Variants in KAT6A observed in about 807,000 individuals in gnomAD.
KAT6A encodes lysine acetyltransferase 6A, also known as histone acetyltransferase KAT6A.
Under a neutral mutation model 198.4 loss-of-function variants are expected in KAT6A, and 9 were observed. The observed-to-expected ratio is 0.05, with a 90% CI of 0.03 to 0.08. The LOEUF is 0.08. KAT6A is among the 10% of genes least tolerant of loss of function. KAT6A has a pLI of 1.00. For missense variants in KAT6A, 2,077 were observed against 2,509.9 expected, an observed-to-expected ratio of 0.83 and a Z score of 3.69; for synonymous variants, 890 against 883.0, an observed-to-expected ratio of 1.01 and a Z score of -0.14.
intron 5 of KAT6A, among the ~76,000 whole-genome samples, chr8:41,980,451 C>T (rs1824293954): frequency 6.6e-6 from 1 of 151,936 alleles, no homozygotes; most frequent in Non-Finnish European, 1.5e-5. Flanking sequence ...ATCTCTATAG[C>T]TCTAGGGCCC....
At chr8:42,029,901 T>C (rs915265093) in intron 2 of KAT6A, among the ~76,000 whole-genome samples, 1 of 152,222 alleles carries the variant, frequency 6.6e-6, no homozygotes, top group Non-Finnish European at 1.5e-5. Flanking sequence ...TGTATTTCAC[T>C]GAGCTTCTTT....
intron 2 of KAT6A, among the ~76,000 whole-genome samples, chr8:41,988,290 G>GA (rs1197646363): frequency 6.6e-6 from 1 of 151,504 alleles, no homozygotes; most frequent in Non-Finnish European, 1.5e-5. Flanking sequence ...TAAGGGAGGG[G>GA]AAAAAAAATA....
At chr8:41,981,464 T>A (rs144244104) in intron 4 of KAT6A, among the ~76,000 whole-genome samples, 8 of 152,292 alleles carry the variant, frequency 5.3e-5, no homozygotes, top group African/African-American at 1.9e-4. Flanking sequence ...TTCAAGTATA[T>A]CCAATAACCA....
Position 41,937,951 on chromosome 8 carries a change from T to C in KAT6A, c.3040-383A>G, listed in dbSNP as rs902358210. On this transcript the variant is annotated intron_variant, in intron 15 of 16. Coordinates refer to ENST00000265713, the MANE Select transcript of KAT6A (RefSeq NM_006766.5). Reference sequence around the variant, plus strand: ...AGAGAAATAAAAACACTTTGTCTTATAGCACTACTGTGAAGGTTTGCAGAA... The same window carrying C: ...AGAGAAATAAAAACACTTTGTCTTACAGCACTACTGTGAAGGTTTGCAGAA... Among the ~76,000 whole-genome samples, 8 of 152,218 alleles carry C rather than the reference T, an allele frequency of 5.3e-5. No individual in the cohort carries two copies. In the East Asian group the frequency reaches 5.8e-4, roughly 11 times the overall value.
chr8:41,989,689 A>G lies in KAT6A; in HGVS notation c.601-2126T>C, dbSNP rs562819791. 7.2e-5 allele frequency among the ~76,000 whole-genome samples: 11 copies of G among 152,348 alleles called. No homozygotes were observed. The East Asian group carries it at 2.1e-3, about 29-fold the overall frequency. Reference sequence around the variant, plus strand: ...GAGACTGGTCTGGATTTAAAAATCTAGAAGTCATATACATACAAAATGGCA... The same window carrying G: ...GAGACTGGTCTGGATTTAAAAATCTGGAAGTCATATACATACAAAATGGCA... On this transcript the variant is annotated intron_variant, in intron 2 of 16. Transcript: ENST00000265713.
At chr8:41,969,266 A>G (rs1004270455) in intron 8 of KAT6A, among the ~76,000 whole-genome samples, 11 of 152,234 alleles carry the variant, frequency 7.2e-5, no homozygotes, top group Admixed American at 2.0e-4. Context: ...CATCTAAGCT[A>G]TATCTATGCT....
At chr8:42,041,833 G>GC (rs1827683369) in intron 2 of KAT6A, among the ~76,000 whole-genome samples, 1 of 147,502 alleles carries the variant, frequency 6.8e-6, no homozygotes, top group African/African-American at 2.5e-5. Context: ...CTTGATAATA[G>GC]CTACATTTTC....
At chr8:41,953,913 T>C (rs375219728) in intron 9 of KAT6A, among the ~76,000 whole-genome samples, 2 of 152,206 alleles carry the variant, frequency 1.3e-5, no homozygotes, top group Non-Finnish European at 2.9e-5. Flanking sequence ...ATAATATATA[T>C]GTATAATATG....
In KAT6A at chr8:41,931,567, T is replaced by G. The variant is rs1821544065; in HGVS notation, c.*638A>C. 1.0e-5 allele frequency: 2 copies of G among 200,094 alleles called. No homozygotes were observed. The highest frequency in any genetic ancestry group is 6.1e-5 in the Admixed American group (1 of 16,284). 12.4% of individuals were successfully genotyped at this position (200,094 alleles called of 1,614,324 possible). ...ATTCTTGGGGAAGGGTTTCAAGAGG[T>G]GTGTGTGTGTGAGGAGTGGAGGGGA... On this transcript the variant is annotated 3_prime_UTR_variant, in exon 17 of 17. Transcript: ENST00000265713.
chr8:42,001,534 C>A (rs564692342), intron 2 of KAT6A, among the ~76,000 whole-genome samples: 1 of 152,236 alleles, frequency 6.6e-6, no homozygotes, highest in African/African-American at 2.4e-5. Context: ...CAATAAAAAT[C>A]TTGAAACTTG....
At position 41,933,306 on chromosome 8, in the gene KAT6A, G is replaced by A. The variant is rs61740920; in HGVS notation, c.4914C>T (p.Cys1638=). The change falls in exon 17 of 17, where the codon TGC becomes TGT. Residue 1638 remains cysteine (C), a synonymous_variant. Transcript: ENST00000265713. The surrounding 1 kb of genome is among the most constrained non-coding windows in gnomAD (Gnocchi z 6.2). The part of the protein sequence containing the change: ...ANCSIKSPQS[C]VVERPPSNQQ... Reference sequence around the variant, plus strand: ...GGTTACTGGGAGGCCTCTCCACCACGCAGCTCTGAGGTGACTTGATGCTGC... The same window carrying A: ...GGTTACTGGGAGGCCTCTCCACCACACAGCTCTGAGGTGACTTGATGCTGC... 7,942 of 1,578,266 alleles carry A rather than the reference G, an allele frequency of 5.0e-3. 292 individuals carry two copies. In the African/African-American group the frequency reaches 0.088, roughly 17 times the overall value.
At chr8:42,000,614 C>T (rs1825449468) in intron 2 of KAT6A, among the ~76,000 whole-genome samples, 5 of 152,004 alleles carry the variant, frequency 3.3e-5, no homozygotes, top group Admixed American at 2.6e-4. Context: ...TTCAACAAGA[C>T]TTTCATGTTC....
chr8:41,955,458 C>T, intron 8 of KAT6A, 47 bp from the exon 9 acceptor site: 1 of 1,177,432 alleles, frequency 8.5e-7, no homozygotes, highest in East Asian at 2.4e-5. Context: ...ATTAGACACA[C>T]TGAGATAACA....
chr8:41,967,065 G>A (rs964388587), intron 8 of KAT6A, among the ~76,000 whole-genome samples: 1 of 151,826 alleles, frequency 6.6e-6, no homozygotes, highest in Non-Finnish European at 1.5e-5. Context: ...TTAATAACCC[G>A]CACAGATTTC....
At chr8:42,046,735 T>C (rs1263042955) in intron 2 of KAT6A, among the ~76,000 whole-genome samples, 5 of 152,338 alleles carry the variant, frequency 3.3e-5, no homozygotes, top group Non-Finnish European at 5.9e-5. Context: ...TAAGAGTTCT[T>C]ACAGCACTTA....
chr8:42,032,030 C>T (rs1336902967), intron 2 of KAT6A, among the ~76,000 whole-genome samples: 4 of 151,566 alleles, frequency 2.6e-5, no homozygotes, highest in African/African-American at 4.9e-5. Flanking sequence ...CCCGGGTTCA[C>T]GCCGTTCTCC....
At position 41,955,366 on chromosome 8, in the gene KAT6A, A is replaced by G; in HGVS notation, c.1528T>C (p.Ser510Pro). 6.2e-7 allele frequency: 1 copy of G among 1,613,308 alleles called. No individual in the cohort carries two copies. Among genetic ancestry groups the G allele is most frequent in the Non-Finnish European group, 8.5e-7 (1 of 1,179,542 alleles). ...GPPDPQVRCPSVIEFGKYEIH... is the reference protein window; with the variant it reads ...GPPDPQVRCPPVIEFGKYEIH... ...TCATACTTCCCAAACTCAATGACAG[A>G]GGGACAGCGGACTTGTGGATCAGGG... The change falls in exon 9 of 17, where the codon TCT (serine) becomes CCT (proline). Residue 510 changes from serine (S) to proline (P), a missense_variant. Transcript: ENST00000265713.
chr8:42,048,320 A>G lies in KAT6A; in HGVS notation c.600+58T>C. On this transcript the variant is annotated intron_variant, in intron 2 of 16. Transcript: ENST00000265713. Reference sequence around the variant, plus strand: ...TTGAATATAACTTCCCAGAAATGTGAATTTGTAGCATCCTATATCATCAGC... The same window carrying G: ...TTGAATATAACTTCCCAGAAATGTGGATTTGTAGCATCCTATATCATCAGC... 3 of 1,555,736 alleles carry G rather than the reference A, an allele frequency of 1.9e-6. 1 individual carries two copies. The highest frequency in any genetic ancestry group is 8.7e-7 in the Non-Finnish European group (1 of 1,149,088).
At position 42,050,824 on chromosome 8, in the gene KAT6A, C is replaced by T. The variant is rs114645557; in HGVS notation, c.-326+1077G>A. Among the ~76,000 whole-genome samples the T allele has an allele frequency of 8.3e-3, 1,263 of 152,232 alleles. 16 individuals are homozygous for T. Among genetic ancestry groups the T allele is most frequent in the African/African-American group, 0.029 (1,222 of 41,532 alleles). On this transcript the variant is annotated intron_variant, in intron 1 of 16. Transcript: ENST00000265713. ...TGAGTGACAGTCACTCATTGTCTTT[C>T]CAGTCGGGATTGTCATCAGTCTCCA...
Sources: allele counts gnomAD v4.1 joint callset (sites outside exome capture counted in the v4.1 genomes callset), GRCh38; gene constraint gnomAD v4.1.1; non-coding constraint Gnocchi (gnomAD v3.1); transcripts MANE v1.5; gene names NCBI Gene and HGNC (gene_info 2026-07-23, HGNC 2026-07-21).